Variants in TP63 observed in about 807,000 individuals in gnomAD.
TP63 encodes tumor protein p63, also known as tumor protein 63.
In TP63, 17 loss-of-function variants were observed where a neutral mutation model predicts 82.8. The observed-to-expected ratio is 0.21, with a 90% CI of 0.14 to 0.31. The LOEUF (loss-of-function observed/expected upper bound fraction) is 0.31, where lower values mean the gene tolerates loss of function less well. Among genes scored for constraint, TP63 ranks in the 10% least tolerant of loss-of-function variants. The pLI is 1.00. For synonymous variants in TP63, 330 were observed against 321.7 expected, an observed-to-expected ratio of 1.03 and a Z score of -0.28; for missense variants, 648 against 895.3, an observed-to-expected ratio of 0.72 and a Z score of 3.52.
intron 10 of TP63, among the ~76,000 whole-genome samples, chr3:189,876,707 A>G (rs1255565422): frequency 6.6e-6 from 1 of 152,224 alleles, no homozygotes; most frequent in Middle Eastern, 3.2e-3. Flanking sequence ...ATATGCATCT[A>G]TATAAATCCT....
chr3:189,676,069 TTA>T (rs1185342191), intron 1 of TP63, among the ~76,000 whole-genome samples: 1 of 152,162 alleles, frequency 6.6e-6, no homozygotes, highest in East Asian at 1.9e-4. Context: ...TTGTATAACA[TTA>T]TGTTTTGATG....
chr3:189,822,601 G>A (rs533202193), intron 4 of TP63, among the ~76,000 whole-genome samples: 3 of 152,206 alleles, frequency 2.0e-5, no homozygotes, highest in South Asian at 2.1e-4. Context: ...ATACCCAGGC[G>A]CACTACCAGG....
At chr3:189,671,387 A>G (rs1271668943) in intron 1 of TP63, among the ~76,000 whole-genome samples, 4 of 152,160 alleles carry the variant, frequency 2.6e-5, no homozygotes, top group African/African-American at 9.6e-5. Context: ...AAAAGAAATC[A>G]CAAATGCTGG....
At chr3:189,791,615 G>A (rs549983461) in intron 3 of TP63, among the ~76,000 whole-genome samples, 3 of 152,210 alleles carry the variant, frequency 2.0e-5, no homozygotes, top group Non-Finnish European at 4.4e-5. Flanking sequence ...AAAAATATCT[G>A]TAAAAAACAT....
chr3:189,735,564 C>T (rs922146491), intron 1 of TP63, among the ~76,000 whole-genome samples: 12 of 152,176 alleles, frequency 7.9e-5, no homozygotes, highest in African/African-American at 2.7e-4. Flanking sequence ...AGTAACACAA[C>T]CAATATCTGA....
chr3:189,889,015 A>C (rs1424864495), intron 11 of TP63, among the ~76,000 whole-genome samples: 1 of 152,236 alleles, frequency 6.6e-6, no homozygotes, highest in African/African-American at 2.4e-5. Flanking sequence ...GGAGACAGAA[A>C]TATCACCCTC....
intron 10 of TP63, among the ~76,000 whole-genome samples, chr3:189,883,212 G>C (rs373396078): frequency 6.6e-6 from 1 of 152,048 alleles, no homozygotes; most frequent in Non-Finnish European, 1.5e-5. Context: ...GTTCTTCAAG[G>C]CTTTCAAATT....
At chr3:189,678,724 C>T (rs931302535) in intron 1 of TP63, among the ~76,000 whole-genome samples, 1 of 151,884 alleles carries the variant, frequency 6.6e-6, no homozygotes. Flanking sequence ...GAGCATGTGA[C>T]ATTTTTCCAT....
chr3:189,857,363 A>G (rs997587831), intron 4 of TP63, among the ~76,000 whole-genome samples: 8 of 152,180 alleles, frequency 5.3e-5, no homozygotes, highest in African/African-American at 1.9e-4. Context: ...AACTCACACC[A>G]TATACAACAA....
chr3:189,814,300 A>T (rs898195713), intron 4 of TP63, among the ~76,000 whole-genome samples: 1 of 152,204 alleles, frequency 6.6e-6, no homozygotes, highest in Non-Finnish European at 1.5e-5. Flanking sequence ...CTTCGATGGT[A>T]AATAGGATTT....
At position 189,889,530 on chromosome 3, in the gene TP63, G is replaced by A. The variant is rs35558939; in HGVS notation, c.1652+46G>A. On this transcript the variant is annotated intron_variant, in intron 12 of 13. Transcript: ENST00000264731. ...CCTGGGGGCCTGCCCTAAGCATCCCGGGATGGTGGAGGGCGGATACTGTTA... is the reference window on the plus strand; with the variant it reads ...CCTGGGGGCCTGCCCTAAGCATCCCAGGATGGTGGAGGGCGGATACTGTTA... 65,145 of 1,613,628 alleles carry A rather than the reference G, an allele frequency of 0.04. 1,442 individuals carry two copies. The highest frequency in any genetic ancestry group is 0.069 in the Middle Eastern group (415 of 6,056).
At chr3:189,602,195 A>T in the TP63 span, among the ~76,000 whole-genome samples, 1 of 152,206 alleles carries the variant, frequency 6.6e-6, no homozygotes, top group Non-Finnish European at 1.5e-5. Context: ...ACTTGAAGTG[A>T]TAGTGCTGGA....
At chr3:189,870,395 T>G (rs1718274533) in intron 9 of TP63, among the ~76,000 whole-genome samples, 1 of 152,170 alleles carries the variant, frequency 6.6e-6, no homozygotes, top group East Asian at 1.9e-4. Flanking sequence ...TGCATGGCAT[T>G]TACATTATAT....
intron 1 of TP63, among the ~76,000 whole-genome samples, chr3:189,717,249 AAG>A (rs1436883375): frequency 6.6e-6 from 1 of 152,222 alleles, no homozygotes; most frequent in African/African-American, 2.4e-5. Context: ...TCTGAAATTA[AAG>A]AGTTATTATC....
chr3:189,696,146 A>G (rs1319533515), intron 1 of TP63, among the ~76,000 whole-genome samples: 1 of 152,164 alleles, frequency 6.6e-6, no homozygotes, highest in Non-Finnish European at 1.5e-5. Context: ...TCCACCATGA[A>G]TATACCATAC....
intron 3 of TP63, among the ~76,000 whole-genome samples, chr3:189,747,112 A>G (rs568315310): frequency 2.0e-5 from 3 of 152,228 alleles, no homozygotes; most frequent in South Asian, 4.1e-4. Flanking sequence ...AGCATATATT[A>G]TTAGATCTAA....
intron 1 of TP63, among the ~76,000 whole-genome samples, chr3:189,716,672 C>G (rs1718983633): frequency 6.6e-6 from 1 of 152,174 alleles, no homozygotes; most frequent in Non-Finnish European, 1.5e-5. Context: ...CCAAAATAAA[C>G]AAACAGTTCC....
intron 1 of TP63, among the ~76,000 whole-genome samples, chr3:189,711,463 G>A (rs1239412641): frequency 6.6e-6 from 1 of 152,128 alleles, no homozygotes; most frequent in Non-Finnish European, 1.5e-5. Flanking sequence ...CTGATGAGTG[G>A]TCCACTAGAG....
At chr3:189,822,451 T>C (rs1728893815) in intron 4 of TP63, among the ~76,000 whole-genome samples, 1 of 152,226 alleles carries the variant, frequency 6.6e-6, no homozygotes, top group Non-Finnish European at 1.5e-5. Flanking sequence ...TATCATTTTC[T>C]TTCTGAAAAA....
Sources: allele counts gnomAD v4.1 joint callset (sites outside exome capture counted in the v4.1 genomes callset), GRCh38; gene constraint gnomAD v4.1.1; transcripts MANE v1.5; gene names NCBI Gene and HGNC (gene_info 2026-07-23, HGNC 2026-07-21).